The following RTTN variants were observed in gnomAD, a reference collection of about 807,000 sequenced individuals.
RTTN encodes rotatin.
Under a neutral mutation model 269.2 loss-of-function variants are expected in RTTN, and 182 were observed. The observed-to-expected ratio is 0.68, with a 90% confidence interval of 0.60 to 0.76. The LOEUF (loss-of-function observed/expected upper bound fraction) is 0.76, where lower values mean the gene tolerates loss of function less well. RTTN is among the 30% of genes least tolerant of loss of function. The pLI, the probability that RTTN is intolerant of heterozygous loss-of-function variation, is 0.00. For synonymous variants in RTTN, 1,006 were observed against 963.5 expected, an observed-to-expected ratio of 1.04 and a Z score of -0.82; for missense variants, 2,545 against 2,608.6, an observed-to-expected ratio of 0.98 and a Z score of 0.53.
intron 10 of RTTN, among the ~76,000 whole-genome samples, chr18:70,182,818 C>CA (rs888931575): frequency 1.2e-3 from 176 of 151,644 alleles, no homozygotes; most frequent in Non-Finnish European, 5.3e-4. Context: ...ACACTTCTTA[C>CA]AAAAAAAACA....
At chr18:70,011,488 C>G (rs2056370927) in intron 46 of RTTN, among the ~76,000 whole-genome samples, 1 of 152,158 alleles carries the variant, frequency 6.6e-6, no homozygotes, top group Admixed American at 6.5e-5. Context: ...ACGACAAAAA[C>G]CACATGATTA....
Position 70,188,179 on chromosome 18 carries a change from C to A in RTTN, c.1234G>T (p.Asp412Tyr). ...ATTGCTTCACCAATAAGTGTCATATCCTCTGTAAGCAATTCCAGAACTCTT... is the reference window on the plus strand; with the variant it reads ...ATTGCTTCACCAATAAGTGTCATATACTCTGTAAGCAATTCCAGAACTCTT... ...IIRVLELLTE[D>Y]MTLIGEAIST... Residue 412 changes from aspartate to tyrosine, a missense_variant, in exon 10 of 49, where the codon GAT (aspartate) becomes TAT (tyrosine). Coordinates refer to ENST00000640769, the MANE Select transcript of RTTN (RefSeq NM_173630.4). The A allele has an allele frequency of 1.2e-6, 2 of 1,612,006 alleles. No individual in the cohort carries two copies. Among genetic ancestry groups the A allele is most frequent in the Non-Finnish European group, 8.5e-7 (1 of 1,178,430 alleles).
intron 15 of RTTN, 32 bp from the exon 16 acceptor site, chr18:70,150,119 C>T (rs762424280): frequency 2.1e-6 from 3 of 1,399,688 alleles, no homozygotes; most frequent in Non-Finnish European, 3.0e-6. Flanking sequence ...ATAAACCAGT[C>T]AAATGAGATG....
chr18:70,086,232 G>A (rs941404042), intron 32 of RTTN, among the ~76,000 whole-genome samples: 9 of 152,244 alleles, frequency 5.9e-5, no homozygotes, highest in African/African-American at 1.4e-4. Flanking sequence ...AAGCAAAGGC[G>A]TACCACTGAC....
chr18:70,147,138 T>C (rs1350829), intron 17 of RTTN, among the ~76,000 whole-genome samples: 123,780 of 152,204 alleles, frequency 0.81, 53,526 homozygotes, highest in East Asian at 1. Context: ...AGGTTTAGCA[T>C]AGGATGCCAG....
At chr18:70,028,687 T>C in intron 43 of RTTN, 37 bp downstream of exon 43, 1 of 1,235,728 alleles carries the variant, frequency 8.1e-7, no homozygotes, top group Non-Finnish European at 1.2e-6. Flanking sequence ...TTAATACCAG[T>C]ACTCCTATTA....
chr18:70,190,027 T>C (rs2061634463), intron 9 of RTTN, among the ~76,000 whole-genome samples: 1 of 152,222 alleles, frequency 6.6e-6, no homozygotes. Flanking sequence ...AGTTTTGTTT[T>C]TAACATGTTA....
In RTTN at chr18:70,059,901, C is replaced by T; in HGVS notation, c.4889G>A (p.Arg1630Lys). The change falls in exon 36 of 49, where the codon AGA (arginine) becomes AAA (lysine). Residue 1630 changes from arginine to lysine, a missense_variant. By Grantham distance (26) the Arg-to-Lys change is conservative (BLOSUM62 2). Transcript: ENST00000640769. ...TTGTCGAAAAGCCTTTGCAGTGTCTCTGGGAGCAATCGTCAAGAGGTTGTC... is the reference window on the plus strand; with the variant it reads ...TTGTCGAAAAGCCTTTGCAGTGTCTTTGGGAGCAATCGTCAAGAGGTTGTC... ...LLDNLLTIAP[R>K]DTAKAFRQAH... 6.2e-7 allele frequency: 1 copy of T among 1,613,466 alleles called. No individual in the cohort carries two copies. Among genetic ancestry groups the T allele is most frequent in the Non-Finnish European group, 8.5e-7 (1 of 1,179,646 alleles).
chr18:70,196,712 G>A (rs2146141775), intron 6 of RTTN, 64 bp from the exon 7 acceptor site: 1 of 1,495,614 alleles, frequency 6.7e-7, no homozygotes, highest in South Asian at 1.2e-5. Context: ...AAAGCAGAAT[G>A]TGGAGCTTAA....
intron 28 of RTTN, among the ~76,000 whole-genome samples, chr18:70,105,873 T>C (rs944557816): frequency 7.2e-5 from 11 of 152,160 alleles, no homozygotes; most frequent in African/African-American, 2.7e-4. Context: ...TTTTTCAAAC[T>C]GTATCTTAAT....
rs78886198 is a variant in RTTN, at chr18:70,153,601, A to T, written c.1930-2868T>A. On this transcript the variant is annotated intron_variant, in intron 14 of 48. Transcript: ENST00000640769. ...CAATAAAAAGCTAACTTGCCTCTTC[A>T]GAAAAAGTAACCTCCACATTACTAG... 5.7e-3 allele frequency among the ~76,000 whole-genome samples: 870 copies of T among 152,318 alleles called. 9 individuals carry two copies. The highest frequency in any genetic ancestry group is 0.019 in the African/African-American group (808 of 41,566).
Position 70,201,983 on chromosome 18 carries a change from T to A in RTTN, c.398A>T (p.Glu133Val), listed in dbSNP as rs1445871192. 3.8e-6 allele frequency: 6 copies of A among 1,569,826 alleles called. No homozygotes were observed. Among genetic ancestry groups the A allele is most frequent in the Non-Finnish European group, 5.3e-6 (6 of 1,140,978 alleles). ...TAAGATTTCAGGGTTTTTTGACAAT[T>A]CTGAAAAGGAAATAAACATTACTGT... is the stretch of plus-strand genomic sequence containing the variant. ...SSASYQTNQT[E>V]LSKNPEILTG... is the part of the protein sequence containing the mutation. Residue 133 changes from glutamate to valine, a missense_variant and splice_region_variant, in exon 4 of 49, where the codon GAA (glutamate) becomes GTA (valine). Coordinates refer to ENST00000640769, the MANE Select transcript of RTTN (RefSeq NM_173630.4).
intron 3 of RTTN, among the ~76,000 whole-genome samples, chr18:70,203,828 T>A (rs540366767): frequency 3.3e-5 from 5 of 152,146 alleles, no homozygotes; most frequent in South Asian, 4.1e-4. Flanking sequence ...GCCAAAAAAA[T>A]AATCTGTCAA....
chr18:70,168,918 T>C lies in RTTN; in HGVS notation c.1626A>G (p.Arg542=). The part of the protein sequence containing the change: ...LNSENYSIYK[R]TAEAVYSIEC... The stretch of plus-strand genomic sequence containing the variant: ...CAATTGAATAAACGGCCTCTGCAGT[T>C]CGTTTATAAATACTGTAGTTTTCAG... The change falls in exon 12 of 49, where the codon CGA becomes CGG. Residue 542 remains arginine (R), a synonymous_variant. Transcript: ENST00000640769. 2 of 1,613,478 alleles carry C rather than the reference T, an allele frequency of 1.2e-6. No homozygotes were observed. The highest frequency in any genetic ancestry group is 8.5e-7 in the Non-Finnish European group (1 of 1,179,740).
At chr18:70,122,340 CG>C (rs941227117) in intron 25 of RTTN, among the ~76,000 whole-genome samples, 3 of 151,418 alleles carry the variant, frequency 2.0e-5, no homozygotes, top group African/African-American at 7.3e-5. Context: ...GTTTGGAAAT[CG>C]TTTTTTTTAA....
intron 28 of RTTN, among the ~76,000 whole-genome samples, chr18:70,100,066 C>G (rs1042302438): frequency 6.6e-6 from 1 of 152,188 alleles, no homozygotes; most frequent in Non-Finnish European, 1.5e-5. Flanking sequence ...AATGCAGGCT[C>G]TTTTTTATTT....
intron 28 of RTTN, among the ~76,000 whole-genome samples, chr18:70,108,841 C>T (rs2059389383): frequency 7.4e-6 from 1 of 135,858 alleles, no homozygotes; most frequent in Non-Finnish European, 1.6e-5. Flanking sequence ...AGAAAACTTC[C>T]TTAACTTGAT....
chr18:70,122,789 G>C (rs368669416), intron 25 of RTTN, among the ~76,000 whole-genome samples: 1 of 151,990 alleles, frequency 6.6e-6, no homozygotes, highest in African/African-American at 2.4e-5. Flanking sequence ...GGCAAGTGCC[G>C]GATTATGAAA....
At chr18:70,193,199 A>C in intron 8 of RTTN, 89 bp downstream of exon 8, 11 of 1,100,216 alleles carry the variant, frequency 1.0e-5, no homozygotes, top group Non-Finnish European at 1.4e-5. Flanking sequence ...AAAAAAAAGG[A>C]CAGAAAAATA....
Sources: allele counts gnomAD v4.1 joint callset (sites outside exome capture counted in the v4.1 genomes callset), GRCh38; gene constraint gnomAD v4.1.1; transcripts MANE v1.5; gene names NCBI Gene and HGNC (gene_info 2026-07-23, HGNC 2026-07-21).